The following LHX8 variants were observed in gnomAD, a reference collection of about 807,000 sequenced individuals.
The protein encoded by LHX8 is LIM homeobox 8, also known as LIM/homeobox protein Lhx8.
LHX8 carries 12 observed loss-of-function variants against 40.3 expected under a neutral mutation model. The ratio of observed to expected loss-of-function variants is 0.30; its 90% CI spans 0.19 to 0.48. The LOEUF is 0.48. Ranked by LOEUF, LHX8 falls within the 20% of genes least tolerant of loss-of-function variation. LHX8 has a pLI of 0.99. For synonymous variants in LHX8, 179 were observed against 162.0 expected (o/e 1.10, Z -0.80); for missense variants, 344 against 433.7 (o/e 0.79, Z 1.84).
At chr1:75,177,976 T>C in the LHX8 span, among the ~76,000 whole-genome samples, 1 of 152,178 alleles carries the variant, frequency 6.6e-6, no homozygotes, top group Admixed American at 6.5e-5. Context: ...ATGGATTACA[T>C]TTGTTGATTT....
At chr1:75,138,528 T>A (rs1648215544) in intron 3 of LHX8, among the ~76,000 whole-genome samples, 1 of 152,234 alleles carries the variant, frequency 6.6e-6, no homozygotes. Context: ...TCTCTTTAAA[T>A]CTGCATTCTT....
chr1:75,137,675 C>T (rs1363642497), intron 3 of LHX8, among the ~76,000 whole-genome samples: 1 of 152,144 alleles, frequency 6.6e-6, no homozygotes, highest in East Asian at 1.9e-4. Context: ...GTCTCTCCAC[C>T]CCAGTGACGC....
intron 8 of LHX8, among the ~76,000 whole-genome samples, chr1:75,157,751 T>C (rs1648809307): frequency 6.6e-6 from 1 of 152,256 alleles, no homozygotes; most frequent in African/African-American, 2.4e-5. Context: ...GAATCTGTTA[T>C]TTGTTTTCAT....
intron 6 of LHX8, 58 bp downstream of exon 6, chr1:75,144,006 A>C (rs766466928): frequency 7.5e-7 from 1 of 1,328,306 alleles, no homozygotes. Flanking sequence ...AAAAACAAAA[A>C]GTAACCTCCA....
the LHX8 span, among the ~76,000 whole-genome samples, chr1:75,180,160 A>G: frequency 6.6e-6 from 1 of 151,844 alleles, no homozygotes; most frequent in Non-Finnish European, 1.5e-5. Flanking sequence ...ATCTGACAAT[A>G]ATGTGTCTTG....
chr1:75,160,868 G>A lies in LHX8; in HGVS notation c.1014G>A (p.Met338Ile). Residue 338 changes from methionine to isoleucine, a missense_variant, in exon 9 of 9, where the codon ATG (methionine) becomes ATA (isoleucine). Physicochemically the swap from Met to Ile is conservative, Grantham distance 10 (BLOSUM62 1). Transcript: ENST00000356261. ...LGLQPLLPHS[M>I]TQLPISHT is the part of the protein sequence containing the mutation. ...TCCAGCCCTTGTTACCCCATTCAAT[G>A]ACACAACTGCCAATAAGTCATACCT... 1 of 1,612,792 alleles carries A rather than the reference G, an allele frequency of 6.2e-7. No individual in the cohort carries two copies.
chr1:75,137,281 G>GCACC lies in LHX8; in HGVS notation c.237+21_237+22insACCC, dbSNP rs754099263. The GCACC allele has an allele frequency of 2.4e-5, 38 of 1,610,004 alleles. No individual in the cohort carries two copies. The African/African-American group carries it at 4.7e-4, about 20-fold the overall frequency. ...CTCAAGGTAGGATAGGGCCTCGGGT[G>GCACC]CGAGGCCCAAGGGGAGCGGGCTTAG... On this transcript the variant is annotated intron_variant, in intron 3 of 8. Transcript: ENST00000356261.
the LHX8 span, among the ~76,000 whole-genome samples, chr1:75,189,475 A>C: frequency 1.3e-5 from 2 of 152,216 alleles, no homozygotes; most frequent in Non-Finnish European, 2.9e-5. Context: ...ATTTTAGCAC[A>C]CATAGCACAT....
the LHX8 span, among the ~76,000 whole-genome samples, chr1:75,192,598 T>A: frequency 6.6e-6 from 1 of 152,196 alleles, no homozygotes; most frequent in Non-Finnish European, 1.5e-5. Context: ...ATGCTTCCTT[T>A]TAGTTGTGAT....
chr1:75,156,998 A>T lies in LHX8; in HGVS notation c.886A>T (p.Met296Leu). ...AVPPSRLSPP[M>L]LEEMAYSAYV... ...CCCACCCTCCAGGCTGTCTCCACCCATGTTAGAAGAAATGGCTTATTCTGC... is the reference window on the plus strand; with the variant it reads ...CCCACCCTCCAGGCTGTCTCCACCCTTGTTAGAAGAAATGGCTTATTCTGC... The change falls in exon 8 of 9, where the codon ATG becomes TTG. Residue 296 changes from methionine (M) to leucine (L), a missense_variant. Physicochemically the swap from Met to Leu is conservative, Grantham distance 15. Transcript: ENST00000356261. 6.2e-7 allele frequency: 1 copy of T among 1,614,132 alleles called. No individual in the cohort carries two copies. Among genetic ancestry groups the T allele is most frequent in the Admixed American group, 1.7e-5 (1 of 60,022 alleles).
At chr1:75,198,726 C>A in the LHX8 span, among the ~76,000 whole-genome samples, 1 of 152,206 alleles carries the variant, frequency 6.6e-6, no homozygotes, top group Non-Finnish European at 1.5e-5. Flanking sequence ...CCTGCTGGTT[C>A]AAGTCTTCAT....
chr1:75,166,871 G>A, the LHX8 span, among the ~76,000 whole-genome samples: 7 of 152,166 alleles, frequency 4.6e-5, no homozygotes, highest in African/African-American at 1.7e-4. Flanking sequence ...TTCCTCTCCT[G>A]TTAGGATAGA....
the LHX8 span, among the ~76,000 whole-genome samples, chr1:75,185,984 A>C: frequency 6.6e-6 from 1 of 152,232 alleles, no homozygotes; most frequent in Non-Finnish European, 1.5e-5. Context: ...AATTCAGCTA[A>C]CCAGGGAGGT....
downstream of LHX8, among the ~76,000 whole-genome samples, chr1:75,164,804 G>A (rs1350061862): frequency 6.8e-6 from 1 of 147,936 alleles, no homozygotes; most frequent in East Asian, 2.0e-4. Flanking sequence ...CAAGTAGCCA[G>A]AACTACAGAT....
rs753913303 is a variant in LHX8, at chr1:75,143,159, A to G, written c.401A>G (p.His134Arg). The change falls in exon 5 of 9, where the codon CAT (histidine) becomes CGT (arginine). Residue 134 changes from histidine (H) to arginine (R), a missense_variant. Physicochemically the swap from His to Arg is conservative, Grantham distance 29. Coordinates refer to ENST00000356261, the MANE Select transcript of LHX8 (RefSeq NM_001256114.2). The stretch of plus-strand genomic sequence containing the variant: ...TGCTCTCGATGTGGGAGACACATCC[A>G]TTCTACTGACTGGGTCCGGAGAGCC... Reference protein sequence around the residue: ...TRCSRCGRHIHSTDWVRRAKG... With the variant: ...TRCSRCGRHIRSTDWVRRAKG... 3.1e-6 allele frequency: 5 copies of G among 1,613,822 alleles called. No homozygotes were observed. Among genetic ancestry groups the G allele is most frequent in the East Asian group, 4.5e-5 (2 of 44,872 alleles).
chr1:75,131,172 C>G, upstream of LHX8: 1 of 287,284 alleles, frequency 3.5e-6, no homozygotes, highest in South Asian at 3.7e-5. Flanking sequence ...CTGTGCCTCG[C>G]CCCGATCTCC....
chr1:75,159,405 C>A (rs1193884901), intron 8 of LHX8: 1 of 151,968 alleles, frequency 6.6e-6, no homozygotes, highest in African/African-American at 2.4e-5. Context: ...CAGCTTTTGC[C>A]TCCTCAAATA....
chr1:75,182,624 C>T, the LHX8 span, among the ~76,000 whole-genome samples: 3 of 152,136 alleles, frequency 2.0e-5, no homozygotes, highest in Non-Finnish European at 2.9e-5. Context: ...CTGCCCACCT[C>T]GGCCTCCCAA....
chr1:75,138,825 T>C (rs1400116662), intron 3 of LHX8, among the ~76,000 whole-genome samples: 2 of 152,110 alleles, frequency 1.3e-5, no homozygotes, highest in African/African-American at 4.8e-5. Context: ...CATAAAAATC[T>C]AAGTTAAGTG....
Sources: gnomAD v4.1 joint callset for allele counts (sites outside exome capture counted in the v4.1 genomes callset) on GRCh38, gnomAD v4.1.1 for gene constraint, MANE v1.5 for transcripts, NCBI Gene and HGNC (gene_info 2026-07-23, HGNC 2026-07-21) for gene names.